The following MAP2 variants were observed in gnomAD, a reference collection of about 807,000 sequenced individuals.
MAP2 encodes microtubule associated protein 2.
Under a neutral mutation model 137.6 loss-of-function variants are expected in MAP2, and 14 were observed. The ratio of observed to expected loss-of-function variants is 0.10; its 90% CI spans 0.07 to 0.16. The LOEUF (loss-of-function observed/expected upper bound fraction) is 0.16. Ranked by LOEUF, MAP2 falls within the 10% of genes least tolerant of loss-of-function variation. MAP2 has a pLI of 1.00. For missense variants in MAP2, 2,088 were observed against 2,191.5 expected, an observed-to-expected ratio of 0.95 and a Z score of 0.94; for synonymous variants, 786 against 782.3, an observed-to-expected ratio of 1.00 and a Z score of -0.08.
chr2:209,556,024 C>CTTT (rs34673279), intron 2 of MAP2, among the ~76,000 whole-genome samples: 1 of 134,216 alleles, frequency 7.5e-6, no homozygotes. Flanking sequence ...GGCATTCTTT[C>CTTT]TTTTTTTTTT....
chr2:209,581,074 A>G (rs1293133226), intron 3 of MAP2, among the ~76,000 whole-genome samples: 1 of 152,198 alleles, frequency 6.6e-6, no homozygotes, highest in African/African-American at 2.4e-5. Context: ...ATAATGTCCA[A>G]CTACTGACAC....
At chr2:209,436,092 C>G (rs922861787) in intron 1 of MAP2, among the ~76,000 whole-genome samples, 5 of 145,612 alleles carry the variant, frequency 3.4e-5, no homozygotes, top group South Asian at 2.2e-4. Flanking sequence ...TATTTAATTC[C>G]TTCTAATTTC....
chr2:209,540,335 A>G (rs2066727691), intron 2 of MAP2, among the ~76,000 whole-genome samples: 1 of 152,000 alleles, frequency 6.6e-6, no homozygotes, highest in East Asian at 1.9e-4. Flanking sequence ...TAAAAAATTA[A>G]TGAAAATCAC....
chr2:209,629,008 C>A (rs921887140), intron 4 of MAP2, among the ~76,000 whole-genome samples: 1 of 152,178 alleles, frequency 6.6e-6, no homozygotes, highest in African/African-American at 2.4e-5. Flanking sequence ...AATGCTAAAG[C>A]ACTTTCATGT....
At chr2:209,553,841 G>C (rs1476166677) in intron 2 of MAP2, among the ~76,000 whole-genome samples, 2 of 152,190 alleles carry the variant, frequency 1.3e-5, no homozygotes, top group Admixed American at 1.3e-4. Flanking sequence ...TGCTGGTAAA[G>C]TGGCTGTCAA....
At chr2:209,583,168 T>TCTAC (rs2076910942) in intron 3 of MAP2, among the ~76,000 whole-genome samples, 1 of 151,524 alleles carries the variant, frequency 6.6e-6, no homozygotes, top group Admixed American at 6.6e-5. Flanking sequence ...TATCTATCTA[T>TCTAC]CTATCTATCT....
In MAP2 at chr2:209,653,145, C is replaced by T; in HGVS notation, c.-26C>T. ...GCTACTATTTTTTCTCTTTCAGTTG[C>T]AGGAGAAATAACAAGGCATTGAAGA... On this transcript the variant is annotated 5_prime_UTR_variant, in exon 5 of 16. Transcript: ENST00000682079. 1 of 1,552,580 alleles carries T rather than the reference C, an allele frequency of 6.4e-7. No homozygotes were observed. The highest frequency in any genetic ancestry group is 8.7e-7 in the Non-Finnish European group (1 of 1,150,834).
At chr2:209,454,708 A>G (rs1262250923) in intron 1 of MAP2, among the ~76,000 whole-genome samples, 1 of 152,196 alleles carries the variant, frequency 6.6e-6, no homozygotes, top group Non-Finnish European at 1.5e-5. Flanking sequence ...TAGAATACAT[A>G]ATCATATGTA....
intron 1 of MAP2, among the ~76,000 whole-genome samples, chr2:209,499,348 T>C (rs1290008066): frequency 6.6e-6 from 1 of 152,192 alleles, no homozygotes; most frequent in Non-Finnish European, 1.5e-5. Flanking sequence ...CTCATCAGCC[T>C]GGATTTTGCT....
chr2:209,506,713 G>A (rs2061108100), intron 1 of MAP2, among the ~76,000 whole-genome samples: 1 of 152,142 alleles, frequency 6.6e-6, no homozygotes, highest in South Asian at 2.1e-4. Flanking sequence ...TTAGGTGCAA[G>A]AGACCACTGG....
intron 2 of MAP2, among the ~76,000 whole-genome samples, chr2:209,537,202 A>G (rs2066099020): frequency 6.6e-6 from 1 of 152,150 alleles, no homozygotes; most frequent in Non-Finnish European, 1.5e-5. Context: ...TTCTCACGAT[A>G]TTTCAAACTT....
intron 1 of MAP2, among the ~76,000 whole-genome samples, chr2:209,434,839 ATATATATATGTTATATATATATGT>A (rs1327548121): frequency 6.1e-5 from 7 of 115,030 alleles, no homozygotes; most frequent in South Asian, 2.7e-4. Context: ...CTCTCTATAT[ATATATATATGTTATATATATATGT>A]TATATATATG....
At chr2:209,614,460 A>G (rs1256443217) in intron 3 of MAP2, among the ~76,000 whole-genome samples, 1 of 152,110 alleles carries the variant, frequency 6.6e-6, no homozygotes, top group Non-Finnish European at 1.5e-5. Context: ...ATGATATATC[A>G]TCATGTATAT....
chr2:209,487,170 G>T (rs2058495298), intron 1 of MAP2, among the ~76,000 whole-genome samples: 1 of 152,092 alleles, frequency 6.6e-6, no homozygotes, highest in Non-Finnish European at 1.5e-5. Flanking sequence ...TAGAACTTTA[G>T]TTATAACAGC....
intron 7 of MAP2, among the ~76,000 whole-genome samples, chr2:209,685,314 T>A (rs1308278588): frequency 6.6e-6 from 1 of 152,194 alleles, no homozygotes; most frequent in Admixed American, 6.5e-5. Flanking sequence ...CCATTTATTA[T>A]TTATTTATTT....
chr2:209,674,105 T>A lies in MAP2; in HGVS notation c.263-4467T>A, dbSNP rs1315040211. On this transcript the variant is annotated intron_variant, in intron 5 of 15. Transcript: ENST00000682079. ...ATTTACTTCTCTCATATCTTTGCCT[T>A]GGAAAAAAAAATACTTCCCTTGTCC... Among the ~76,000 whole-genome samples the A allele has an allele frequency of 2.6e-5, 4 of 151,422 alleles. No homozygotes were observed. In the East Asian group the frequency reaches 7.7e-4, roughly 29 times the overall value.
chr2:209,575,596 A>G (rs2075251474), intron 2 of MAP2, among the ~76,000 whole-genome samples: 1 of 151,876 alleles, frequency 6.6e-6, no homozygotes, highest in African/African-American at 2.4e-5. Context: ...AATATTTTTA[A>G]GAAAGACTGA....
At chr2:209,556,468 T>C (rs2070687223) in intron 2 of MAP2, among the ~76,000 whole-genome samples, 1 of 152,206 alleles carries the variant, frequency 6.6e-6, no homozygotes, top group South Asian at 2.1e-4. Flanking sequence ...TACTAGGATC[T>C]GCATCCTAAA....
intron 1 of MAP2, among the ~76,000 whole-genome samples, chr2:209,438,477 A>G (rs1329061498): frequency 6.6e-6 from 1 of 151,684 alleles, no homozygotes; most frequent in Non-Finnish European, 1.5e-5. Flanking sequence ...TATTGTGTAA[A>G]TAACTCCACC....
Sources: allele counts gnomAD v4.1 joint callset (sites outside exome capture counted in the v4.1 genomes callset), GRCh38; gene constraint gnomAD v4.1.1; transcripts MANE v1.5; gene names NCBI Gene and HGNC (gene_info 2026-07-23, HGNC 2026-07-21).